Variants in NRXN1 observed in about 807,000 individuals in gnomAD.
NRXN1 encodes neurexin-1.
Under a neutral mutation model 150.9 loss-of-function variants are expected in NRXN1, and 39 were observed. The observed-to-expected ratio is 0.26, with a 90% CI of 0.20 to 0.34. The LOEUF (loss-of-function observed/expected upper bound fraction) is 0.34, where lower values mean the gene tolerates loss of function less well. NRXN1 is among the 10% of genes least tolerant of loss of function. The pLI is 1.00. For missense variants in NRXN1, 1,815 were observed against 1,949.9 expected (o/e 0.93, Z 1.30); for synonymous variants, 924 against 757.0 (o/e 1.22, Z -3.62).
chr2:50,053,950 A>G (rs17039730), intron 20 of NRXN1, among the ~76,000 whole-genome samples: 5,557 of 152,282 alleles, frequency 0.036, 349 homozygotes, highest in African/African-American at 0.13. Flanking sequence ...CATTTCAAGT[A>G]TTTGTCATTC....
At chr2:50,326,565 A>G (rs1214586881) in intron 17 of NRXN1, among the ~76,000 whole-genome samples, 2 of 152,204 alleles carry the variant, frequency 1.3e-5, no homozygotes, top group African/African-American at 4.8e-5. Flanking sequence ...CAAGGACCTG[A>G]AACTTTGATA....
chr2:50,751,291 T>C lies in NRXN1; in HGVS notation c.833-127676A>G, dbSNP rs60477852. 2.9e-3 allele frequency among the ~76,000 whole-genome samples: 444 copies of C among 152,184 alleles called. 15 individuals carry two copies. The East Asian group carries it at 0.056, about 19-fold the overall frequency. ...TACATACTACTATATACAGCTGTGATTGTGAACAGATACACTTCTGCTTTT... is the reference window on the plus strand; with the variant it reads ...TACATACTACTATATACAGCTGTGACTGTGAACAGATACACTTCTGCTTTT... On this transcript the variant is annotated intron_variant, in intron 5 of 22. Transcript: ENST00000401669.
chr2:50,836,276 G>C (rs1672090670), intron 5 of NRXN1, among the ~76,000 whole-genome samples: 1 of 151,918 alleles, frequency 6.6e-6, no homozygotes, highest in African/African-American at 2.4e-5. Flanking sequence ...GATTAAATCA[G>C]GGTAATTAAC....
At chr2:51,024,436 A>G (rs955540309) in intron 2 of NRXN1, among the ~76,000 whole-genome samples, 8 of 152,152 alleles carry the variant, frequency 5.3e-5, no homozygotes, top group African/African-American at 1.9e-4. Context: ...TATTTGCCAG[A>G]CGTCAAGAAA....
chr2:50,799,772 T>C (rs1170235858), intron 5 of NRXN1, among the ~76,000 whole-genome samples: 2 of 152,182 alleles, frequency 1.3e-5, no homozygotes, highest in African/African-American at 2.4e-5. Context: ...GTGTATTAAA[T>C]GCATTTTTCA....
At chr2:50,332,669 C>G (rs907828978) in intron 17 of NRXN1, among the ~76,000 whole-genome samples, 1 of 152,194 alleles carries the variant, frequency 6.6e-6, no homozygotes, top group African/African-American at 2.4e-5. Context: ...AAGCTTTTTA[C>G]AGAACATTTC....
chr2:51,019,246 G>A (rs1669219946), intron 2 of NRXN1, among the ~76,000 whole-genome samples: 1 of 151,946 alleles, frequency 6.6e-6, no homozygotes. Context: ...TGAACTTTTA[G>A]CAAGTGATCT....
At chr2:50,027,299 C>T (rs1351995628) in intron 21 of NRXN1, among the ~76,000 whole-genome samples, 1 of 150,852 alleles carries the variant, frequency 6.6e-6, no homozygotes, top group African/African-American at 2.4e-5. Flanking sequence ...TCCCTCCCTT[C>T]CTTCCTTCTC....
At chr2:50,940,997 G>C (rs369415728) in intron 2 of NRXN1, among the ~76,000 whole-genome samples, 1 of 152,128 alleles carries the variant, frequency 6.6e-6, no homozygotes, top group South Asian at 2.1e-4. Context: ...TGGGAGATTG[G>C]CCTGATGGGA....
chr2:50,441,408 A>G (rs189055785), intron 17 of NRXN1, among the ~76,000 whole-genome samples: 36 of 152,276 alleles, frequency 2.4e-4, no homozygotes, highest in Non-Finnish European at 4.0e-4. Flanking sequence ...TATGTCTTAA[A>G]ATTTAAAAAA....
intron 18 of NRXN1, among the ~76,000 whole-genome samples, chr2:50,164,840 T>C (rs1048041930): frequency 2.6e-5 from 4 of 152,156 alleles, no homozygotes; most frequent in South Asian, 2.1e-4. Flanking sequence ...TTAAGTGCGA[T>C]TGAACTCCAA....
At chr2:50,109,300 C>G (rs2152722684) in intron 18 of NRXN1, among the ~76,000 whole-genome samples, 1 of 152,188 alleles carries the variant, frequency 6.6e-6, no homozygotes, top group South Asian at 2.1e-4. Context: ...TCATTTAGTT[C>G]ATCTTTTTCT....
intron 18 of NRXN1, among the ~76,000 whole-genome samples, chr2:50,203,479 A>G (rs2062337932): frequency 6.6e-6 from 1 of 152,108 alleles, no homozygotes; most frequent in South Asian, 2.1e-4. Flanking sequence ...TGACTTTTTT[A>G]TATACTGAGT....
At chr2:50,110,491 C>CAAAA (rs5831088) in intron 18 of NRXN1, among the ~76,000 whole-genome samples, 244 of 85,080 alleles carry the variant, frequency 2.9e-3, no homozygotes, top group East Asian at 4.1e-3. Context: ...GACTCTGTCT[C>CAAAA]AAAAAAAAAA....
chr2:50,009,389 T>C (rs573725535), intron 21 of NRXN1, among the ~76,000 whole-genome samples: 1 of 152,274 alleles, frequency 6.6e-6, no homozygotes, highest in African/African-American at 2.4e-5. Context: ...GCTAAAGCCA[T>C]GGTAACATAG....
chr2:50,083,251 G>A (rs1364354835), intron 19 of NRXN1, among the ~76,000 whole-genome samples: 1 of 152,222 alleles, frequency 6.6e-6, no homozygotes, highest in Admixed American at 6.5e-5. Context: ...AAGGAATGAA[G>A]CAGTTAAGCC....
intron 17 of NRXN1, among the ~76,000 whole-genome samples, chr2:50,411,228 G>A (rs1044427534): frequency 9.2e-5 from 14 of 152,152 alleles, no homozygotes; most frequent in African/African-American, 2.9e-4. Context: ...GGGTTTCGCC[G>A]TGTTGGCCGG....
intron 5 of NRXN1, among the ~76,000 whole-genome samples, chr2:50,867,499 AT>A (rs1431663019): frequency 1.3e-5 from 2 of 151,888 alleles, no homozygotes; most frequent in Non-Finnish European, 2.9e-5. Context: ...GTGCACATTT[AT>A]TTAGTTAGAT....
intron 18 of NRXN1, among the ~76,000 whole-genome samples, chr2:50,131,088 C>T (rs934485441): frequency 3.3e-5 from 5 of 150,924 alleles, no homozygotes; most frequent in Non-Finnish European, 7.4e-5. Context: ...TTTAATTTTG[C>T]AGGACTCTCA....
Sources: allele counts gnomAD v4.1 joint callset (sites outside exome capture counted in the v4.1 genomes callset), GRCh38; gene constraint gnomAD v4.1.1; transcripts MANE v1.5; gene names NCBI Gene and HGNC (gene_info 2026-07-23, HGNC 2026-07-21).